IGSF3: variants seen among roughly 807,000 people sequenced by gnomAD.
IGSF3 encodes immunoglobulin superfamily member 3.
Under a neutral mutation model 114.4 loss-of-function variants are expected in IGSF3, and 23 were observed. That is an observed-to-expected ratio of 0.20 (90% CI 0.14 to 0.28). IGSF3 has a LOEUF of 0.28. Among genes scored for constraint, IGSF3 ranks in the 10% least tolerant of loss-of-function variants. IGSF3 has a pLI of 1.00. For synonymous variants in IGSF3, 571 were observed against 645.2 expected (o/e 0.88, Z 1.74); for missense variants, 1,172 against 1,591.5 (o/e 0.74, Z 4.48).
At chr1:116,622,286 C>T (rs1294849718) in intron 2 of IGSF3, among the ~76,000 whole-genome samples, 4 of 152,016 alleles carry the variant, frequency 2.6e-5, no homozygotes, top group Non-Finnish European at 4.4e-5. Context: ...TCACAGGAGA[C>T]CCTAGAGATC....
At position 116,614,829 on chromosome 1, in the gene IGSF3, C is replaced by T. The variant is rs1187363356; in HGVS notation, c.422-654G>A. Among the ~76,000 whole-genome samples, 5 of 152,138 alleles carry T rather than the reference C, an allele frequency of 3.3e-5. No homozygotes were observed. Among genetic ancestry groups the T allele is most frequent in the Non-Finnish European group, 5.9e-5 (4 of 68,026 alleles). ...TTCAGGCAAGAGAAGAGATTTTCTC[C>T]GTGATCCCTTGGTCAGAATCATACC... is the stretch of plus-strand genomic sequence containing the variant. On this transcript the variant is annotated intron_variant, in intron 3 of 10. Transcript: ENST00000369486. The surrounding 1 kb of genome is among the most constrained non-coding windows in gnomAD (Gnocchi z 4.5).
Position 116,627,977 on chromosome 1 carries a change from C to G in IGSF3, c.44-11520G>C, listed in dbSNP as rs1352223266. ...ACAAAACAGGAATATTCCTCTTCTCCTGACTCTGCCCAAGGCACTGCTGTG... is the reference window on the plus strand; with the variant it reads ...ACAAAACAGGAATATTCCTCTTCTCGTGACTCTGCCCAAGGCACTGCTGTG... On this transcript the variant is annotated intron_variant, in intron 2 of 10. Transcript: ENST00000369486. The surrounding 1 kb of genome is among the most constrained non-coding windows in gnomAD (Gnocchi z 4.7). 6.6e-6 allele frequency among the ~76,000 whole-genome samples: 1 copy of G among 152,214 alleles called. No homozygotes were observed. Among genetic ancestry groups the G allele is most frequent in the African/African-American group, 2.4e-5 (1 of 41,462 alleles).
rs897909605 is a variant in IGSF3 at position 116,667,726 on chromosome 1, G to C, written c.-739C>G. On this transcript the variant is annotated 5_prime_UTR_variant, in exon 1 of 11. Coordinates refer to ENST00000369486, the MANE Select transcript of IGSF3 (RefSeq NM_001007237.3). ...CTCTTCTCCCGCAACGGCACCAGCAGCCGCGCTGCGGCCCCTCCCGAGTCC... is the reference window on the plus strand; with the variant it reads ...CTCTTCTCCCGCAACGGCACCAGCACCCGCGCTGCGGCCCCTCCCGAGTCC... 5 of 151,540 alleles carry C rather than the reference G, an allele frequency of 3.3e-5. No individual in the cohort carries two copies. The highest frequency in any genetic ancestry group is 5.9e-5 in the Non-Finnish European group (4 of 67,842). 9.4% of individuals were successfully genotyped at this position (151,540 alleles called of 1,614,324 possible).
rs747580551 is a variant in IGSF3 at position 116,579,621 on chromosome 1, G to A, written c.3105C>T (p.Ser1035=). 8.7e-6 allele frequency: 14 copies of A among 1,613,880 alleles called. No individual in the cohort carries two copies. The highest frequency in any genetic ancestry group is 2.2e-5 in the East Asian group (1 of 44,882). The change falls in exon 10 of 11, where the codon AGC becomes AGT. Residue 1035 remains serine, a synonymous_variant. Coordinates refer to ENST00000369486, the MANE Select transcript of IGSF3 (RefSeq NM_001007237.3). This position sits in a 1 kb window ranked among gnomAD's most constrained non-coding sequence, Gnocchi z 6.4. The part of the protein sequence containing the change: ...DDPTERTALL[S]VGPDAVFGPE... ...GGCCAAAGACAGCATCTGGGCCCAC[G>A]CTCAGCAGGGCCGTCCGCTCTGTTG...
At chr1:116,663,775 G>A (rs1279409654) in intron 2 of IGSF3, among the ~76,000 whole-genome samples, 2 of 151,952 alleles carry the variant, frequency 1.3e-5, no homozygotes, top group Non-Finnish European at 2.9e-5. Context: ...TACTGTCCAG[G>A]GTTTTCTAAC....
In IGSF3 at chr1:116,634,240, C is replaced by G. The variant is rs1431977565; in HGVS notation, c.44-17783G>C. Among the ~76,000 whole-genome samples the G allele has an allele frequency of 3.3e-5, 5 of 152,044 alleles. No homozygotes were observed. Among genetic ancestry groups the G allele is most frequent in the African/African-American group, 1.2e-4 (5 of 41,390 alleles). ...GCCACGACAAGGCAAAATGAGGAGA[C>G]AGTATAAAAAAGACAAGGATAATTT... On this transcript the variant is annotated intron_variant, in intron 2 of 10. Transcript: ENST00000369486. The surrounding 1 kb of genome is among the most constrained non-coding windows in gnomAD (Gnocchi z 4.2).
rs74624405 is a variant in IGSF3, at chr1:116,599,961, T to A, written c.2009A>T (p.Glu670Val). Reference protein sequence around the residue: ...RLAERTSNLLEIRVLQPVTKL... With the variant: ...RLAERTSNLLVIRVLQPVTKL... Reference sequence around the variant, plus strand: ...CTCACCTGGCTGCAGCACCCTGATCTCCAGCAGGTTGGAGGTCCTCTCCGC... The same window carrying A: ...CTCACCTGGCTGCAGCACCCTGATCACCAGCAGGTTGGAGGTCCTCTCCGC... The change falls in exon 7 of 11, where the codon GAG becomes GTG. Residue 670 changes from glutamate (E) to valine (V), a missense_variant. Transcript: ENST00000369486. 91 of 1,612,256 alleles carry A rather than the reference T, an allele frequency of 5.6e-5. No homozygotes were observed. The highest frequency in any genetic ancestry group is 8.0e-5 in the African/African-American group (6 of 74,904).
rs1357222623 is a variant in IGSF3 at position 116,634,916 on chromosome 1, C to T, written c.44-18459G>A. ...CACTATAAGGAAGCCCAAGCTACCCCACAGGAGAGACAAGGTGAAGAGAAT... is the reference window on the plus strand; with the variant it reads ...CACTATAAGGAAGCCCAAGCTACCCTACAGGAGAGACAAGGTGAAGAGAAT... On this transcript the variant is annotated intron_variant, in intron 2 of 10. Transcript: ENST00000369486. This position sits in a 1 kb window ranked among gnomAD's most constrained non-coding sequence, Gnocchi z 4.2. Among the ~76,000 whole-genome samples, 1 of 152,134 alleles carries T rather than the reference C, an allele frequency of 6.6e-6. No homozygotes were observed. Among genetic ancestry groups the T allele is most frequent in the African/African-American group, 2.4e-5 (1 of 41,422 alleles).
In IGSF3 at chr1:116,608,351, A is replaced by G. The variant is rs1403140403; in HGVS notation, c.833-20T>C. On this transcript the variant is annotated intron_variant, in intron 4 of 10. Transcript: ENST00000369486. ...CTTTGTCTGAGAGAACAAGTAAGAA[A>G]AGAGACACATCCTGGGTGAATGAGG... 1.9e-6 allele frequency: 3 copies of G among 1,603,766 alleles called. No individual in the cohort carries two copies. Among genetic ancestry groups the G allele is most frequent in the Middle Eastern group, 1.7e-4 (1 of 6,002 alleles).
intron 2 of IGSF3, among the ~76,000 whole-genome samples, chr1:116,637,102 C>G (rs189107302): frequency 2.0e-5 from 3 of 152,190 alleles, no homozygotes; most frequent in Admixed American, 2.0e-4. Context: ...CTCCCATCAA[C>G]GAGTCCAGCG....
In IGSF3 at chr1:116,598,372, C is replaced by T. The variant is rs1660428066; in HGVS notation, c.2029+1569G>A. 6.6e-6 allele frequency among the ~76,000 whole-genome samples: 1 copy of T among 152,228 alleles called. No individual in the cohort carries two copies. Among genetic ancestry groups the T allele is most frequent in the Admixed American group, 6.5e-5 (1 of 15,280 alleles). On this transcript the variant is annotated intron_variant, in intron 7 of 10. Transcript: ENST00000369486. The surrounding 1 kb of genome is among the most constrained non-coding windows in gnomAD (Gnocchi z 4.3). ...CACATAAAATGGGGTCTCTGCTTAACCTTCCATTAACCTGAAAATCCATTT... is the reference window on the plus strand; with the variant it reads ...CACATAAAATGGGGTCTCTGCTTAATCTTCCATTAACCTGAAAATCCATTT...
rs1288500260 is a variant in IGSF3, at chr1:116,634,761, G to C, written c.44-18304C>G. Among the ~76,000 whole-genome samples, 2 of 152,114 alleles carry C rather than the reference G, an allele frequency of 1.3e-5. No individual in the cohort carries two copies. Among genetic ancestry groups the C allele is most frequent in the East Asian group, 3.9e-4 (2 of 5,190 alleles). ...CTGAATCTAGGTGGGCTACAGCTCT[G>C]GTAGAAGTGACACTCTGTGACCTTA... On this transcript the variant is annotated intron_variant, in intron 2 of 10. Coordinates refer to ENST00000369486, the MANE Select transcript of IGSF3 (RefSeq NM_001007237.3). The surrounding 1 kb of genome is among the most constrained non-coding windows in gnomAD (Gnocchi z 4.2).
rs1333842354 is a variant in IGSF3 at position 116,651,572 on chromosome 1, T to C, written c.43+14712A>G. Among the ~76,000 whole-genome samples, 2 of 152,220 alleles carry C rather than the reference T, an allele frequency of 1.3e-5. No homozygotes were observed. Among genetic ancestry groups the C allele is most frequent in the Admixed American group, 6.5e-5 (1 of 15,290 alleles). ...AAACTGTGTTAAATGCAGCCTACCA[T>C]AGGATCGTTGATTACAACATGCATT... On this transcript the variant is annotated intron_variant, in intron 2 of 10. Transcript: ENST00000369486. The surrounding 1 kb of genome is among the most constrained non-coding windows in gnomAD (Gnocchi z 4.4).
intron 4 of IGSF3, among the ~76,000 whole-genome samples, chr1:116,608,730 T>G (rs561888550): frequency 6.6e-6 from 1 of 152,214 alleles, no homozygotes; most frequent in African/African-American, 2.4e-5. Context: ...AGCAACAGCA[T>G]TATAAACATT....
At chr1:116,590,564 G>A (rs1043608374) in intron 7 of IGSF3, among the ~76,000 whole-genome samples, 7 of 152,126 alleles carry the variant, frequency 4.6e-5, no homozygotes, top group African/African-American at 1.7e-4. Flanking sequence ...TCCTCCAACC[G>A]AGCTTGTGTG....
rs1659260891 is a variant in IGSF3, at chr1:116,574,583, CCATTGTT to C, written c.*2722_*2728del. On this transcript the variant is annotated 3_prime_UTR_variant, in exon 11 of 11. Transcript: ENST00000369486. This position sits in a 1 kb window ranked among gnomAD's most constrained non-coding sequence, Gnocchi z 5.2. ...TTCCTCAATAATTAACGCAGAGAAACCATTGTTTGAAAAGAATATGAAAACTTGCTAC... is the reference window on the plus strand; with the variant it reads ...TTCCTCAATAATTAACGCAGAGAAACTGAAAAGAATATGAAAACTTGCTAC... 6.6e-6 allele frequency: 1 copy of C among 152,380 alleles called. No individual in the cohort carries two copies. The highest frequency in any genetic ancestry group is 2.4e-5 in the African/African-American group (1 of 41,342). 9.4% of individuals were successfully genotyped at this position (152,380 alleles called of 1,614,324 possible).
At position 116,603,780 on chromosome 1, in the gene IGSF3, G is replaced by C; in HGVS notation, c.1468C>G (p.Gln490Glu). 6.2e-7 allele frequency: 1 copy of C among 1,614,004 alleles called. No homozygotes were observed. The highest frequency in any genetic ancestry group is 1.3e-5 in the African/African-American group (1 of 75,044). Residue 490 changes from glutamine (Q) to glutamate (E), a missense_variant, in exon 6 of 11, where the codon CAG (glutamine) becomes GAG (glutamate). Physicochemically the swap from Gln to Glu is conservative, Grantham distance 29. Coordinates refer to ENST00000369486, the MANE Select transcript of IGSF3 (RefSeq NM_001007237.3). The surrounding 1 kb of genome is among the most constrained non-coding windows in gnomAD (Gnocchi z 7.1). Reference protein sequence around the residue: ...SFGGVQMEQVQPNSFSLGIFN... With the variant: ...SFGGVQMEQVEPNSFSLGIFN... The stretch of plus-strand genomic sequence containing the variant: ...ATGCCCAGGCTGAACGAGTTGGGCT[G>C]CACCTGCTCCATCTGGACGCCCCCA...
rs376742521 is a variant in IGSF3, at chr1:116,600,293, G to A, written c.1677C>T (p.Ser559=). The change falls in exon 7 of 11, where the codon AGC becomes AGT. Residue 559 remains serine, a synonymous_variant. Coordinates refer to ENST00000369486, the MANE Select transcript of IGSF3 (RefSeq NM_001007237.3). The surrounding 1 kb of genome is among the most constrained non-coding windows in gnomAD (Gnocchi z 5.5). ...AISRTPGVTY[S]DSFDLQCIIK... ...TGATACACTGCAAGTCAAAGGAGTC[G>A]CTGTAGGTCACCCCCGGTGTCCGGG... 6.1e-5 allele frequency: 99 copies of A among 1,613,078 alleles called. No homozygotes were observed. The highest frequency in any genetic ancestry group is 1.8e-4 in the Middle Eastern group (1 of 5,712).
chr1:116,644,069 C>T lies in IGSF3; in HGVS notation c.43+22215G>A, dbSNP rs541146354. Among the ~76,000 whole-genome samples, 15 of 152,344 alleles carry T rather than the reference C, an allele frequency of 9.8e-5. 2 individuals carry two copies. In the South Asian group the frequency reaches 2.5e-3, roughly 25 times the overall value. ...GACAATCCCTTAGAAAGGGGTCCCA[C>T]GCTGTCCATCTGGGCCCCTACACCA... On this transcript the variant is annotated intron_variant, in intron 2 of 10. Coordinates refer to ENST00000369486, the MANE Select transcript of IGSF3 (RefSeq NM_001007237.3). The surrounding 1 kb of genome is among the most constrained non-coding windows in gnomAD (Gnocchi z 5.6).
Sources: allele counts gnomAD v4.1 joint callset (sites outside exome capture counted in the v4.1 genomes callset), GRCh38; gene constraint gnomAD v4.1.1; non-coding constraint Gnocchi (gnomAD v3.1); transcripts MANE v1.5; gene names NCBI Gene and HGNC (gene_info 2026-07-23, HGNC 2026-07-21).